ESRRG: variants seen among roughly 807,000 people sequenced by gnomAD.
ESRRG encodes estrogen-related receptor gamma.
ESRRG carries 13 observed loss-of-function variants against 44.0 expected under a neutral mutation model. The observed-to-expected ratio is 0.30, with a 90% CI of 0.19 to 0.47. ESRRG has a LOEUF of 0.47. ESRRG is among the 20% of genes least tolerant of loss of function. ESRRG has a pLI of 1.00. For synonymous variants in ESRRG, 215 were observed against 214.6 expected (o/e 1.00, Z -0.02); for missense variants, 395 against 580.6 (o/e 0.68, Z 3.29).
At chr1:217,110,221 C>A (rs1485212103) in intron 1 of ESRRG, among the ~76,000 whole-genome samples, 1 of 152,172 alleles carries the variant, frequency 6.6e-6, no homozygotes, top group Non-Finnish European at 1.5e-5. Context: ...CAGTGCAGCA[C>A]ACTGAAAAGC....
intron 1 of ESRRG, among the ~76,000 whole-genome samples, chr1:216,968,678 T>C (rs2070960189): frequency 6.6e-6 from 1 of 150,540 alleles, no homozygotes; most frequent in Non-Finnish European, 1.5e-5. Context: ...TTCTCTTTCA[T>C]TCTTGTGTTG....
chr1:217,034,719 C>T (rs1420838325), intron 1 of ESRRG, among the ~76,000 whole-genome samples: 2 of 152,330 alleles, frequency 1.3e-5, no homozygotes, highest in African/African-American at 2.4e-5. Context: ...CGTTGGTCCA[C>T]GCTCCTGCTC....
intron 3 of ESRRG, among the ~76,000 whole-genome samples, chr1:216,596,050 G>A (rs1485926945): frequency 6.6e-6 from 1 of 152,124 alleles, no homozygotes; most frequent in Admixed American, 6.6e-5. Flanking sequence ...GGTTTCTTAC[G>A]TTGCTTCCAA....
chr1:216,738,321 C>A (rs577210165), intron 2 of ESRRG, among the ~76,000 whole-genome samples: 17 of 152,090 alleles, frequency 1.1e-4, no homozygotes, highest in Non-Finnish European at 2.1e-4. Context: ...ACCAAATTTC[C>A]AGGGATCCAT....
At chr1:216,526,329 C>A (rs2047637482) in intron 5 of ESRRG, among the ~76,000 whole-genome samples, 1 of 151,988 alleles carries the variant, frequency 6.6e-6, no homozygotes, top group South Asian at 2.1e-4. Flanking sequence ...TTAAAGTGGG[C>A]CCTAATGTAA....
At chr1:216,889,296 A>C (rs1333905131) in intron 2 of ESRRG, among the ~76,000 whole-genome samples, 2 of 152,192 alleles carry the variant, frequency 1.3e-5, no homozygotes, top group Non-Finnish European at 2.9e-5. Flanking sequence ...CACAAATTTC[A>C]AGCCAAAATG....
intron 1 of ESRRG, among the ~76,000 whole-genome samples, chr1:216,707,955 T>C (rs868620925): frequency 1.3e-5 from 2 of 152,188 alleles, no homozygotes; most frequent in South Asian, 4.1e-4. Context: ...CTGTACATAA[T>C]GGAGGATACT....
chr1:216,796,396 C>T, intron 2 of ESRRG, among the ~76,000 whole-genome samples: 1 of 152,018 alleles, frequency 6.6e-6, no homozygotes, highest in East Asian at 1.9e-4. Flanking sequence ...TTTGGGATGC[C>T]CTCAATAGCA....
At chr1:216,958,769 C>T (rs4846799) in intron 1 of ESRRG, among the ~76,000 whole-genome samples, 21,229 of 152,096 alleles carry the variant, frequency 0.14, 1,977 homozygotes, top group East Asian at 0.22. Flanking sequence ...TCTCCTAGTA[C>T]TGCTCCATCT....
intron 1 of ESRRG, among the ~76,000 whole-genome samples, chr1:217,110,490 C>A (rs892705467): frequency 1.3e-5 from 2 of 152,156 alleles, no homozygotes; most frequent in Non-Finnish European, 2.9e-5. Flanking sequence ...AAAGAAAAGA[C>A]GTTTACTTGG....
chr1:216,687,212 C>G (rs2078170780), intron 1 of ESRRG, among the ~76,000 whole-genome samples: 1 of 152,058 alleles, frequency 6.6e-6, no homozygotes, highest in Non-Finnish European at 1.5e-5. Flanking sequence ...TTTAGGGGAG[C>G]TGGGGAATGG....
intron 1 of ESRRG, among the ~76,000 whole-genome samples, chr1:217,070,251 T>C (rs1359829577): frequency 6.6e-6 from 1 of 152,146 alleles, no homozygotes; most frequent in East Asian, 1.9e-4. Flanking sequence ...AAAATATCAA[T>C]TAAGAGAAGT....
At chr1:216,724,607 C>A (rs897293390), upstream of ESRRG, among the ~76,000 whole-genome samples, 3 of 151,934 alleles carry the variant, frequency 2.0e-5, no homozygotes, top group Non-Finnish European at 4.4e-5. Context: ...ACAGTCTGGT[C>A]ACTATAAGAA....
chr1:216,877,908 C>T (rs940010439), intron 2 of ESRRG, among the ~76,000 whole-genome samples: 6 of 152,164 alleles, frequency 3.9e-5, no homozygotes, highest in East Asian at 3.9e-4. Context: ...TGTATCCATT[C>T]GTCCAGTGAT....
At chr1:216,979,824 A>G (rs943278178) in intron 1 of ESRRG, among the ~76,000 whole-genome samples, 7 of 152,162 alleles carry the variant, frequency 4.6e-5, no homozygotes, top group African/African-American at 9.7e-5. Context: ...GCTATTATAT[A>G]GACAGCTTGC....
intron 6 of ESRRG, among the ~76,000 whole-genome samples, chr1:216,513,153 C>T (rs1301624484): frequency 6.6e-6 from 1 of 152,106 alleles, no homozygotes; most frequent in Non-Finnish European, 1.5e-5. Context: ...CTCATATACT[C>T]GTTAAGGTCT....
At chr1:216,795,350 T>C (rs1158321593) in intron 2 of ESRRG, among the ~76,000 whole-genome samples, 3 of 145,028 alleles carry the variant, frequency 2.1e-5, no homozygotes, top group Non-Finnish European at 3.0e-5. Flanking sequence ...TTCTTTTTTT[T>C]TTTTTTTTTT....
chr1:216,675,959 A>C (rs1164055422), intron 2 of ESRRG, among the ~76,000 whole-genome samples: 1 of 152,162 alleles, frequency 6.6e-6, no homozygotes, highest in Non-Finnish European at 1.5e-5. Context: ...ATGTTTTTTT[A>C]AGTCTTCCAC....
At chr1:216,875,750 G>C (rs2096341121) in intron 2 of ESRRG, among the ~76,000 whole-genome samples, 1 of 151,818 alleles carries the variant, frequency 6.6e-6, no homozygotes, top group South Asian at 2.1e-4. Flanking sequence ...GTATCTTTTG[G>C]TGCATATTCT....
Sources: allele counts gnomAD v4.1 joint callset (sites outside exome capture counted in the v4.1 genomes callset), GRCh38; gene constraint gnomAD v4.1.1; transcripts MANE v1.5; gene names NCBI Gene and HGNC (gene_info 2026-07-23, HGNC 2026-07-21).